CLASP1: variants seen among roughly 807,000 people sequenced by gnomAD.
CLASP1 encodes CLIP-associating protein 1.
In CLASP1, 38 loss-of-function variants were observed where a neutral mutation model predicts 192.3. The observed-to-expected ratio is 0.20, with a 90% CI of 0.15 to 0.26. The LOEUF (loss-of-function observed/expected upper bound fraction) is 0.26. CLASP1 is among the 10% of genes least tolerant of loss of function. The probability of loss-of-function intolerance (pLI) is 1.00; values close to 1 mark genes in which losing one functional copy is unlikely to be tolerated. For missense variants in CLASP1, 1,433 were observed against 1,932.5 expected, an observed-to-expected ratio of 0.74 and a Z score of 4.85; for synonymous variants, 691 against 712.8, an observed-to-expected ratio of 0.97 and a Z score of 0.49.
intron 2 of CLASP1, among the ~76,000 whole-genome samples, chr2:121,545,330 G>GTT (rs1160305718): frequency 2.0e-5 from 3 of 152,122 alleles, no homozygotes; most frequent in Non-Finnish European, 4.4e-5. Context: ...TCTCCAAAAA[G>GTT]TTTTTGTTTT....
intron 14 of CLASP1, among the ~76,000 whole-genome samples, chr2:121,455,756 G>A (rs530943144): frequency 1.2e-4 from 19 of 152,266 alleles, no homozygotes; most frequent in Admixed American, 9.2e-4. Context: ...CAGCTACTTG[G>A]GAGACTGAGG....
exon 11 of CLASP1, chr2:121,461,185 G>A (rs376022114): frequency 1.3e-6 from 2 of 1,576,108 alleles, no homozygotes; most frequent in Admixed American, 1.9e-5. Context: ...GGTCTCGGCT[G>A]GAATAAATCT....
chr2:121,420,654 T>G (rs1559120608), intron 22 of CLASP1, among the ~76,000 whole-genome samples: 1 of 152,156 alleles, frequency 6.6e-6, no homozygotes, highest in Non-Finnish European at 1.5e-5. Context: ...ATGTAAAAAT[T>G]TTGTCGTATT....
chr2:121,363,275 C>A, exon 37 of CLASP1: 1 of 1,613,900 alleles, frequency 6.2e-7, no homozygotes, highest in East Asian at 2.2e-5. Context: ...CCTCAAAACT[C>A]TTAACGCCAG....
At chr2:121,365,098 T>C in exon 36 of CLASP1, 3 of 1,613,984 alleles carry the variant, frequency 1.9e-6, no homozygotes, top group Non-Finnish European at 2.5e-6. Context: ...TCTCACGTCT[T>C]TGTCTCCAAG....
chr2:121,473,645 G>GAC lies in CLASP1; in HGVS notation c.713-3687_713-3686dup, dbSNP rs201009702. ...CCAAGAAGCTGCATGCCCCAAGCAA[G>GAC]ACACACACACAGAAAAGCATACGGA... On this transcript the variant is annotated intron_variant, in intron 8 of 39. Coordinates refer to ENST00000263710, the Ensembl canonical transcript of CLASP1. Among the ~76,000 whole-genome samples the GAC allele has an allele frequency of 1.4e-4, 22 of 152,172 alleles. No homozygotes were observed. In the East Asian group the frequency reaches 4.3e-3, roughly 29 times the overall value.
chr2:121,476,855 G>C (rs1168197378), intron 8 of CLASP1, among the ~76,000 whole-genome samples: 1 of 152,206 alleles, frequency 6.6e-6, no homozygotes, highest in East Asian at 1.9e-4. Flanking sequence ...TCAAGAGGAA[G>C]CTGCACAGAG....
intron 20 of CLASP1, among the ~76,000 whole-genome samples, chr2:121,429,014 G>GT (rs2080928523): frequency 6.6e-6 from 1 of 152,142 alleles, no homozygotes; most frequent in Non-Finnish European, 1.5e-5. Context: ...TGCTTGTAGT[G>GT]TATCACACTA....
At chr2:121,484,108 G>C (rs2092808250) in intron 8 of CLASP1, among the ~76,000 whole-genome samples, 1 of 152,226 alleles carries the variant, frequency 6.6e-6, no homozygotes, top group African/African-American at 2.4e-5. Context: ...AGGAAGTGCA[G>C]ATAAGTGCAG....
chr2:121,353,050 C>T (rs2064790376), intron 37 of CLASP1, among the ~76,000 whole-genome samples: 1 of 152,180 alleles, frequency 6.6e-6, no homozygotes, highest in South Asian at 2.1e-4. Context: ...GATGGCTAAG[C>T]CATACATGGA....
At chr2:121,340,775 T>C (rs906869593) in exon 40 of CLASP1, 5 of 994,976 alleles carry the variant, frequency 5.0e-6, no homozygotes, top group Admixed American at 4.0e-5. Context: ...TTGTACTGAC[T>C]GGGCAGCCGA....
intron 4 of CLASP1, 88 bp from the exon 5 acceptor site, chr2:121,527,978 C>T (rs138082557): frequency 5.0e-6 from 5 of 1,005,084 alleles, no homozygotes; most frequent in Middle Eastern, 2.1e-4. Context: ...AGCCTCTTAA[C>T]GAGCGCCAAA....
intron 6 of CLASP1, among the ~76,000 whole-genome samples, chr2:121,517,858 C>CTTTT (rs70954553): frequency 0.035 from 1,086 of 30,832 alleles, 169 homozygotes; most frequent in African/African-American, 0.088. Context: ...AAGACTCAAG[C>CTTTT]TTTTTTTTTT....
intron 2 of CLASP1, among the ~76,000 whole-genome samples, chr2:121,556,186 A>G (rs1393699777): frequency 6.6e-6 from 1 of 151,618 alleles, no homozygotes; most frequent in Non-Finnish European, 1.5e-5. Context: ...GGGTTTTGCC[A>G]TGTTGGCCAG....
At chr2:121,481,455 C>T (rs1008484386) in intron 8 of CLASP1, among the ~76,000 whole-genome samples, 1 of 152,106 alleles carries the variant, frequency 6.6e-6, no homozygotes, top group African/African-American at 2.4e-5. Context: ...CTTTGTCAAG[C>T]GTCCTTAGGA....
intron 7 of CLASP1, among the ~76,000 whole-genome samples, chr2:121,513,674 C>G (rs2094205364): frequency 6.6e-6 from 1 of 152,196 alleles, no homozygotes. Flanking sequence ...AAAGCACAAT[C>G]AGCAAAGGAG....
intron 34 of CLASP1, among the ~76,000 whole-genome samples, chr2:121,376,149 A>G (rs1448466376): frequency 6.6e-6 from 1 of 152,184 alleles, no homozygotes; most frequent in Non-Finnish European, 1.5e-5. Flanking sequence ...AAATGGAACT[A>G]CCACACAACC....
At chr2:121,372,450 C>T (rs184879945) in intron 34 of CLASP1, among the ~76,000 whole-genome samples, 29 of 152,272 alleles carry the variant, frequency 1.9e-4, no homozygotes, top group Non-Finnish European at 3.7e-4. Flanking sequence ...CTAACTTCTG[C>T]CTAAATCACT....
Position 121,525,822 on chromosome 2 carries a change from C to T in CLASP1, c.546+23G>A, listed in dbSNP as rs748873596. On this transcript the variant is annotated intron_variant, in intron 6 of 39. Coordinates refer to ENST00000263710, the Ensembl canonical transcript of CLASP1. ...ACAGTCTGTAAGCAATGACTTCTCC[C>T]GAGGGTTTTCCTTCTCACTCACCTG... 2.1e-5 allele frequency: 33 copies of T among 1,575,650 alleles called. No homozygotes were observed. In the East Asian group the frequency reaches 3.8e-4, roughly 18 times the overall value.
Sources: gnomAD v4.1 joint callset for allele counts (sites outside exome capture counted in the v4.1 genomes callset) on GRCh38, gnomAD v4.1.1 for gene constraint, MANE v1.5 for transcripts, NCBI Gene and HGNC (gene_info 2026-07-23, HGNC 2026-07-21) for gene names.